CHAC1: variants seen among roughly 807,000 people sequenced by gnomAD.
CHAC1 encodes glutathione-specific gamma-glutamylcyclotransferase 1.
A neutral mutation model predicts 22.1 loss-of-function variants in CHAC1; 22 were observed. The ratio of observed to expected loss-of-function variants is 1.00; its 90% CI spans 0.71 to 1.42. The LOEUF (loss-of-function observed/expected upper bound fraction) is 1.42, where lower values mean the gene tolerates loss of function less well. CHAC1 is among the 40% of genes most tolerant of loss of function. The pLI is 0.00. For synonymous variants in CHAC1, 145 were observed against 128.7 expected (o/e 1.13, Z -0.86); for missense variants, 272 against 299.2 (o/e 0.91, Z 0.67).
chr15:40,954,915 CTTTTT>C (rs60132729), intron 2 of CHAC1, among the ~76,000 whole-genome samples: 2 of 139,866 alleles, frequency 1.4e-5, no homozygotes, highest in African/African-American at 5.3e-5. Context: ...TCAACTATGC[CTTTTT>C]TTTTTTTTTT....
In CHAC1 at chr15:40,955,751, G is replaced by A. The variant is rs146807600; in HGVS notation, c.646G>A (p.Glu216Lys). 456 of 1,598,556 alleles carry A rather than the reference G, an allele frequency of 2.9e-4. No individual in the cohort carries two copies. The Middle Eastern group carries it at 3.3e-3, about 12-fold the overall frequency. Residue 216 changes from glutamate (E) to lysine (K), a missense_variant, in exon 3 of 3, where the codon GAG becomes AAG. Physicochemically the swap from Glu to Lys is moderately conservative, Grantham distance 56 (BLOSUM62 1). Transcript: ENST00000617768. ...CATGTTGCCCTGCTTCTGCCCCACC[G>A]AGCAGGCTCTGGCGCTGGTGTGAGG... is the stretch of plus-strand genomic sequence containing the variant. ...GTMLPCFCPTEQALALV is the reference protein window; with the variant it reads ...GTMLPCFCPTKQALALV
rs763467184 is a variant in CHAC1 at position 40,953,657 on chromosome 15, G to A, written c.74G>A (p.Arg25Gln). ...CCTACGCCGTCCGCTCAGTTCCCCC[G>A]AAACGACGGCGACCCTCAAGCGCTG... ...QSPTPSAQFP[R>Q]NDGDPQALWI... Residue 25 changes from arginine (R) to glutamine (Q), a missense_variant, in exon 1 of 3, where the codon CGA becomes CAA. Arg to Gln is a conservative substitution (Grantham distance 43, BLOSUM62 1). Coordinates refer to ENST00000617768, the MANE Select transcript of CHAC1 (RefSeq NM_024111.6). 6.2e-7 allele frequency: 1 copy of A among 1,609,144 alleles called. No individual in the cohort carries two copies. Among genetic ancestry groups the A allele is most frequent in the South Asian group, 1.1e-5 (1 of 91,092 alleles).
In CHAC1 at chr15:40,955,428, T is replaced by G; in HGVS notation, c.323T>G (p.Leu108Arg). The G allele has an allele frequency of 6.2e-7, 1 of 1,614,100 alleles. No homozygotes were observed. The highest frequency in any genetic ancestry group is 8.5e-7 in the Non-Finnish European group (1 of 1,179,992). ...QVQGEQVSKA[L>R]KYLNVREAVL... ...CAAGGGGAGCAGGTAAGCAAGGCCC[T>G]GAAGTACCTGAATGTGCGAGAGGCA... Residue 108 changes from leucine (L) to arginine (R), a missense_variant, in exon 3 of 3, where the codon CTG (leucine) becomes CGG (arginine). Leu to Arg is a moderately radical substitution (Grantham distance 102, BLOSUM62 -2). Transcript: ENST00000617768.
At chr15:40,954,034 C>G (rs1441208531) in intron 1 of CHAC1, among the ~76,000 whole-genome samples, 194 bp from the exon 2 acceptor site, 1 of 27,008 alleles carries the variant, frequency 3.7e-5, no homozygotes, top group Admixed American at 7.0e-4. Flanking sequence ...ACTGGGACCA[C>G]TGACATGTCA....
chr15:40,955,667 C>A lies in CHAC1; in HGVS notation c.562C>A (p.Leu188Ile). The change falls in exon 3 of 3, where the codon CTC becomes ATC. Residue 188 changes from leucine to isoleucine, a missense_variant. By Grantham distance (5) the Leu-to-Ile change is conservative. Coordinates refer to ENST00000617768, the MANE Select transcript of CHAC1 (RefSeq NM_024111.6). ...YLLRLADFMQ[L>I]CGPQAQDEHL... ...GCTGCGTCTGGCAGACTTCATGCAG[C>A]TCTGTGGGCCTCAGGCGCAGGACGA... 1 of 1,611,948 alleles carries A rather than the reference C, an allele frequency of 6.2e-7. No individual in the cohort carries two copies. Among genetic ancestry groups the A allele is most frequent in the Non-Finnish European group, 8.5e-7 (1 of 1,180,024 alleles).
chr15:40,953,881 G>A, intron 1 of CHAC1, 67 bp downstream of exon 1: 1 of 1,228,664 alleles, frequency 8.1e-7, no homozygotes, highest in East Asian at 2.4e-5. Flanking sequence ...CCAGTGCCCT[G>A]GAATGTCCGG....
chr15:40,954,162 G>A (rs893541150), intron 1 of CHAC1, 66 bp from the exon 2 acceptor site: 7 of 1,564,016 alleles, frequency 4.5e-6, no homozygotes, highest in East Asian at 4.5e-5. Flanking sequence ...ATTGATAAAG[G>A]TTTCCTTGCT....
intron 2 of CHAC1, 133 bp from the exon 3 acceptor site, chr15:40,955,240 A>T: frequency 1.1e-6 from 1 of 877,748 alleles, no homozygotes; most frequent in Non-Finnish European, 1.8e-6. Context: ...AGGTACTGCC[A>T]CCAGATGGCT....
intron 2 of CHAC1, 124 bp downstream of exon 2, chr15:40,954,387 G>C (rs557729611): frequency 8.1e-6 from 8 of 990,702 alleles, no homozygotes; most frequent in Non-Finnish European, 1.3e-5. Context: ...GTAGAAACGT[G>C]TTCTAGCTCA....
Position 40,953,572 on chromosome 15 carries a change from G to A in CHAC1, c.-12G>A. On this transcript the variant is annotated 5_prime_UTR_variant, in exon 1 of 3. It adds an upstream start codon to the 5' untranslated region. Coordinates refer to ENST00000617768, the MANE Select transcript of CHAC1 (RefSeq NM_024111.6). ...CCGGAGGCCGCCTGGGCCTATCCCT[G>A]TGCCAGGCACCATGAAGCAGGAGTC... 1 of 1,609,752 alleles carries A rather than the reference G, an allele frequency of 6.2e-7. No homozygotes were observed. The highest frequency in any genetic ancestry group is 8.5e-7 in the Non-Finnish European group (1 of 1,179,894).
chr15:40,955,665 A>G lies in CHAC1; in HGVS notation c.560A>G (p.Gln187Arg), dbSNP rs1285126641. 1 of 1,612,258 alleles carries G rather than the reference A, an allele frequency of 6.2e-7. No individual in the cohort carries two copies. The highest frequency in any genetic ancestry group is 1.7e-5 in the Admixed American group (1 of 60,026). ...EYLLRLADFM[Q>R]LCGPQAQDEH... is the part of the protein sequence containing the mutation. ...TTGCTGCGTCTGGCAGACTTCATGC[A>G]GCTCTGTGGGCCTCAGGCGCAGGAC... Residue 187 changes from glutamine to arginine, a missense_variant, in exon 3 of 3, where the codon CAG becomes CGG. Transcript: ENST00000617768.
At position 40,955,565 on chromosome 15, in the gene CHAC1, G is replaced by C. The variant is rs1360257158; in HGVS notation, c.460G>C (p.Gly154Arg). The part of the protein sequence containing the change: ...VATPQNPGYL[G>R]PAPEEAIATQ... ...CACCCCACAGAACCCTGGTTACCTG[G>C]GCCCTGCGCCTGAAGAGGCCATTGC... The change falls in exon 3 of 3, where the codon GGC (glycine) becomes CGC (arginine). Residue 154 changes from glycine to arginine, a missense_variant. Physicochemically the swap from Gly to Arg is moderately radical, Grantham distance 125. Transcript: ENST00000617768. 19 of 1,614,016 alleles carry C rather than the reference G, an allele frequency of 1.2e-5. No homozygotes were observed. The highest frequency in any genetic ancestry group is 1.5e-5 in the Non-Finnish European group (18 of 1,180,050).
Position 40,955,498 on chromosome 15 carries a change from A to G in CHAC1, c.393A>G (p.Gln131=). ...CCAAGGAGGTCACCTTCTATCCCCAAGATGCTCCTGACCAACCACTGAAGG... is the reference window on the plus strand; with the variant it reads ...CCAAGGAGGTCACCTTCTATCCCCAGGATGCTCCTGACCAACCACTGAAGG... The part of the protein sequence containing the change: ...YDTKEVTFYP[Q]DAPDQPLKAL... The change falls in exon 3 of 3, where the codon CAA becomes CAG. Residue 131 remains glutamine (Q), a synonymous_variant. Transcript: ENST00000617768. 6.2e-7 allele frequency: 1 copy of G among 1,614,190 alleles called. No individual in the cohort carries two copies. The highest frequency in any genetic ancestry group is 8.5e-7 in the Non-Finnish European group (1 of 1,180,028).
Position 40,953,806 on chromosome 15 carries a change from G to A in CHAC1, c.223G>A (p.Asp75Asn), listed in dbSNP as rs201882902. 103 of 1,590,402 alleles carry A rather than the reference G, an allele frequency of 6.5e-5. No individual in the cohort carries two copies. The highest frequency in any genetic ancestry group is 2.5e-4 in the East Asian group (11 of 44,756). ...WQGDTFHRGS[D>N]KMPGRVVTLL... Reference sequence around the variant, plus strand: ...GGGAGACACCTTCCATCGGGGCAGCGACAAGATGGTGAGCATCCAACCGTG... The same window carrying A: ...GGGAGACACCTTCCATCGGGGCAGCAACAAGATGGTGAGCATCCAACCGTG... The change falls in exon 1 of 3, where the codon GAC becomes AAC. Residue 75 changes from aspartate to asparagine, a missense_variant. Physicochemically the swap from Asp to Asn is conservative, Grantham distance 23. Transcript: ENST00000617768.
rs1012923707 is a variant in CHAC1 at position 40,955,999 on chromosome 15, C to G, written c.*225C>G. 26 of 562,888 alleles carry G rather than the reference C, an allele frequency of 4.6e-5. No homozygotes were observed. Among genetic ancestry groups the G allele is most frequent in the Non-Finnish European group, 7.8e-5 (25 of 321,186 alleles). The allele number at this position is 562,888 out of a possible 1,614,324, so 34.9% of individuals were successfully genotyped here. On this transcript the variant is annotated 3_prime_UTR_variant, in exon 3 of 3. Coordinates refer to ENST00000617768, the MANE Select transcript of CHAC1 (RefSeq NM_024111.6). ...TATTGCACCATGTTGGTGTGGTGGG[C>G]AGGTGGAGGGCCTGCCCTGGACACA...
At position 40,955,584 on chromosome 15, in the gene CHAC1, C is replaced by G; in HGVS notation, c.479C>G (p.Ala160Gly). Residue 160 changes from alanine (A) to glycine (G), a missense_variant, in exon 3 of 3, where the codon GCC becomes GGC. Ala to Gly is a moderately conservative substitution (Grantham distance 60). Coordinates refer to ENST00000617768, the MANE Select transcript of CHAC1 (RefSeq NM_024111.6). ...TACCTGGGCCCTGCGCCTGAAGAGGCCATTGCCACGCAGATCCTGGCCTGC... is the reference window on the plus strand; with the variant it reads ...TACCTGGGCCCTGCGCCTGAAGAGGGCATTGCCACGCAGATCCTGGCCTGC... ...PGYLGPAPEE[A>G]IATQILACRG... 1 of 1,614,066 alleles carries G rather than the reference C, an allele frequency of 6.2e-7. No homozygotes were observed. Among genetic ancestry groups the G allele is most frequent in the Non-Finnish European group, 8.5e-7 (1 of 1,180,030 alleles).
chr15:40,955,429 G>A lies in CHAC1; in HGVS notation c.324G>A (p.Leu108=). 1 of 1,614,126 alleles carries A rather than the reference G, an allele frequency of 6.2e-7. No homozygotes were observed. The highest frequency in any genetic ancestry group is 8.5e-7 in the Non-Finnish European group (1 of 1,180,018). The change falls in exon 3 of 3, where the codon CTG becomes CTA. Residue 108 remains leucine (L), a synonymous_variant. Transcript: ENST00000617768. Reference sequence around the variant, plus strand: ...AAGGGGAGCAGGTAAGCAAGGCCCTGAAGTACCTGAATGTGCGAGAGGCAG... The same window carrying A: ...AAGGGGAGCAGGTAAGCAAGGCCCTAAAGTACCTGAATGTGCGAGAGGCAG... ...QVQGEQVSKA[L]KYLNVREAVL...
At position 40,953,565 on chromosome 15, in the gene CHAC1, T is replaced by G; in HGVS notation, c.-19T>G. The stretch of plus-strand genomic sequence containing the variant: ...ACCAGCCCCGGAGGCCGCCTGGGCC[T>G]ATCCCTGTGCCAGGCACCATGAAGC... On this transcript the variant is annotated 5_prime_UTR_variant, in exon 1 of 3. Transcript: ENST00000617768. 6.2e-7 allele frequency: 1 copy of G among 1,609,474 alleles called. No homozygotes were observed. The highest frequency in any genetic ancestry group is 8.5e-7 in the Non-Finnish European group (1 of 1,179,826).
At chr15:40,955,055 G>A (rs1316064430) in intron 2 of CHAC1, among the ~76,000 whole-genome samples, 2 of 151,998 alleles carry the variant, frequency 1.3e-5, no homozygotes, top group Admixed American at 1.3e-4. Flanking sequence ...ACCATGCCTG[G>A]CTAATTTTTG....
Sources: allele counts gnomAD v4.1 joint callset (sites outside exome capture counted in the v4.1 genomes callset), GRCh38; gene constraint gnomAD v4.1.1; transcripts MANE v1.5; gene names NCBI Gene and HGNC (gene_info 2026-07-23, HGNC 2026-07-21).